Variants in SPTAN1 observed in about 807,000 individuals in gnomAD.
SPTAN1 encodes the protein spectrin alpha, non-erythrocytic 1.
In SPTAN1, 61 loss-of-function variants were observed where a neutral mutation model predicts 331.3. That is an observed-to-expected ratio of 0.18 (90% CI 0.15 to 0.23). The LOEUF (loss-of-function observed/expected upper bound fraction) is 0.23. Among genes scored for constraint, SPTAN1 ranks in the 10% least tolerant of loss-of-function variants. The pLI is 1.00. For missense variants in SPTAN1, 2,043 were observed against 3,147.9 expected (o/e 0.65, Z 8.40); for synonymous variants, 1,153 against 1,173.9 (o/e 0.98, Z 0.36).
chr9:128,622,836 G>A (rs1265340496), intron 45 of SPTAN1, among the ~76,000 whole-genome samples: 2 of 148,386 alleles, frequency 1.3e-5, no homozygotes, highest in African/African-American at 5.0e-5. Flanking sequence ...CACTGCCACC[G>A]CCACCTCCTG....
intron 26 of SPTAN1, chr9:128,599,294 C>A (rs941380492): frequency 5.8e-5 from 23 of 395,778 alleles, no homozygotes; most frequent in South Asian, 5.1e-4. Context: ...GGCACCACAC[C>A]CAGCTAATTT....
intron 1 of SPTAN1, among the ~76,000 whole-genome samples, chr9:128,563,999 A>G (rs1849711706): frequency 1.3e-5 from 2 of 152,112 alleles, no homozygotes; most frequent in East Asian, 3.9e-4. Context: ...AGGACCGGAC[A>G]TGGTGGCTTA....
In SPTAN1 at chr9:128,627,300, C is replaced by A; in HGVS notation, c.6577-86C>A. 1 of 1,258,222 alleles carries A rather than the reference C, an allele frequency of 7.9e-7. No individual in the cohort carries two copies. The highest frequency in any genetic ancestry group is 1.1e-6 in the Non-Finnish European group (1 of 888,714). 77.9% of individuals were successfully genotyped at this position (1,258,222 alleles called of 1,614,324 possible). ...TTGGGGAGGTTCCTTGTGGGGAGGC[C>A]ACCACCACCCTGAGCCCATCTGTGA... is the stretch of plus-strand genomic sequence containing the variant. On this transcript the variant is annotated intron_variant, in intron 49 of 56. Transcript: ENST00000372739. This position sits in a 1 kb window ranked among gnomAD's most constrained non-coding sequence, Gnocchi z 4.9.
intron 3 of SPTAN1, among the ~76,000 whole-genome samples, chr9:128,570,992 C>T (rs1023048182): frequency 6.6e-6 from 1 of 152,092 alleles, no homozygotes; most frequent in Non-Finnish European, 1.5e-5. Flanking sequence ...ATTAACAATA[C>T]TGTTAACTGG....
At chr9:128,598,079 G>T (rs990515705) in intron 24 of SPTAN1, among the ~76,000 whole-genome samples, 1 of 152,210 alleles carries the variant, frequency 6.6e-6, no homozygotes, top group Non-Finnish European at 1.5e-5. Context: ...CTCCCGAGTA[G>T]CTGGGATTAC....
At chr9:128,600,057 T>C (rs1314983912) in intron 26 of SPTAN1, 23 bp from the exon 27 acceptor site, 2 of 1,614,046 alleles carry the variant, frequency 1.2e-6, no homozygotes, top group Non-Finnish European at 1.7e-6. Context: ...CTTGGCTGCC[T>C]AAATTCCTCT....
Position 128,603,592 on chromosome 9 carries a change from TAAG to T in SPTAN1, c.3627+6_3627+8del, listed in dbSNP as rs1353856382. 1.2e-6 allele frequency: 2 copies of T among 1,614,218 alleles called. No individual in the cohort carries two copies. Among genetic ancestry groups the T allele is most frequent in the Admixed American group, 1.7e-5 (1 of 60,020 alleles). ...GTGGCCACCTTTAATTCCATCAAGG[TAAG>T]AAGCAGTGACCAGCTCCTCTGATCT... is the stretch of plus-strand genomic sequence containing the variant. On this transcript the variant is annotated splice_donor_5th_base_variant and intron_variant, in intron 28 of 56. Transcript: ENST00000372739.
chr9:128,615,904 G>A, intron 41 of SPTAN1, 64 bp downstream of exon 41: 1 of 1,565,842 alleles, frequency 6.4e-7, no homozygotes, highest in South Asian at 1.1e-5. Flanking sequence ...AGGAACCACA[G>A]GCTGACTGTT....
intron 26 of SPTAN1, chr9:128,599,208 C>T (rs1854725071): frequency 3.6e-6 from 2 of 561,860 alleles, no homozygotes; most frequent in Non-Finnish European, 6.5e-6. Context: ...GATCTTGGCT[C>T]ACTGCAACCT....
chr9:128,582,625 A>G, intron 13 of SPTAN1, 69 bp downstream of exon 13: 1 of 1,608,792 alleles, frequency 6.2e-7, no homozygotes. Context: ...TGTTCCAGTT[A>G]AGTCTCTTCA....
intron 34 of SPTAN1, among the ~76,000 whole-genome samples, 178 bp downstream of exon 34, chr9:128,608,454 G>C (rs1439174085): frequency 2.0e-5 from 3 of 151,216 alleles, no homozygotes; most frequent in African/African-American, 7.3e-5. Flanking sequence ...TTAATAATGG[G>C]GGTGCCACAG....
Position 128,581,035 on chromosome 9 carries a change from G to A in SPTAN1, c.1437G>A (p.Val479=). 6.2e-7 allele frequency: 1 copy of A among 1,614,104 alleles called. No individual in the cohort carries two copies. Among genetic ancestry groups the A allele is most frequent in the Non-Finnish European group, 8.5e-7 (1 of 1,180,036 alleles). Residue 479 remains valine (V), a synonymous_variant, in exon 11 of 57, where the codon GTG becomes GTA. Transcript: ENST00000372739. ...TCTTCTACCGGGACACTGAGCAGGTGGACAACTGGATGAGCAAGCAGGAGG... is the reference window on the plus strand; with the variant it reads ...TCTTCTACCGGGACACTGAGCAGGTAGACAACTGGATGAGCAAGCAGGAGG... ...LQLFYRDTEQ[V]DNWMSKQEAF...
chr9:128,623,709 A>G (rs1858271365), intron 45 of SPTAN1, among the ~76,000 whole-genome samples: 1 of 151,206 alleles, frequency 6.6e-6, no homozygotes, highest in South Asian at 2.1e-4. Context: ...CCTGGCCTCA[A>G]ATGATCTGCC....
chr9:128,617,852 C>G (rs1857366571), intron 42 of SPTAN1, 92 bp downstream of exon 42: 13 of 1,611,116 alleles, frequency 8.1e-6, no homozygotes, highest in South Asian at 1.1e-5. Flanking sequence ...CACTGAGGTC[C>G]CTAAAGTGTT....
intron 26 of SPTAN1, 106 bp from the exon 27 acceptor site, chr9:128,599,974 A>G (rs1241104532): frequency 4.3e-6 from 5 of 1,152,914 alleles, no homozygotes; most frequent in Non-Finnish European, 6.6e-6. Flanking sequence ...ATGTATTAGT[A>G]TCTGGGATCT....
intron 27 of SPTAN1, chr9:128,601,337 T>C (rs1300586039): frequency 6.6e-6 from 1 of 152,204 alleles, no homozygotes; most frequent in African/African-American, 2.4e-5. Context: ...TGGTTGCCTG[T>C]GTCTCAGTTC....
Position 128,609,537 on chromosome 9 carries a change from C to G in SPTAN1, c.4759-114C>G, listed in dbSNP as rs536623480. ...ATAGAATCCCCCTTCTATTACTGTT[C>G]CCAAATGCTGAGCTTCCTGGGGGAA... On this transcript the variant is annotated intron_variant, in intron 36 of 56. Coordinates refer to ENST00000372739, the MANE Select transcript of SPTAN1 (RefSeq NM_001130438.3). The G allele has an allele frequency of 1.6e-4, 163 of 1,013,920 alleles. No individual in the cohort carries two copies. In the African/African-American group the frequency reaches 2.2e-3, roughly 13 times the overall value. The allele number at this position is 1,013,920 out of a possible 1,614,324, so 62.8% of individuals were successfully genotyped here.
chr9:128,566,504 G>A (rs530946071), intron 1 of SPTAN1, among the ~76,000 whole-genome samples: 185 of 152,256 alleles, frequency 1.2e-3, no homozygotes, highest in Non-Finnish European at 2.1e-3. Flanking sequence ...TGCCGTGTGT[G>A]GGTTAGGCAT....
intron 32 of SPTAN1, 61 bp from the exon 33 acceptor site, chr9:128,607,791 T>C: frequency 6.2e-7 from 1 of 1,611,188 alleles, no homozygotes; most frequent in Non-Finnish European, 8.5e-7. Flanking sequence ...GGTGAGTCGG[T>C]GGTTGACGTC....
Sources: allele counts gnomAD v4.1 joint callset (sites outside exome capture counted in the v4.1 genomes callset), GRCh38; gene constraint gnomAD v4.1.1; non-coding constraint Gnocchi (gnomAD v3.1); transcripts MANE v1.5; gene names NCBI Gene and HGNC (gene_info 2026-07-23, HGNC 2026-07-21).